Variants in HS3ST5 observed in about 807,000 individuals in gnomAD.
HS3ST5 encodes the protein heparan sulfate-glucosamine 3-sulfotransferase 5.
HS3ST5 carries 10 observed loss-of-function variants against 25.4 expected under a neutral mutation model. That is an observed-to-expected ratio of 0.39 (90% CI 0.24 to 0.67). HS3ST5 has a LOEUF of 0.67. Among genes scored for constraint, HS3ST5 ranks in the 30% least tolerant of loss-of-function variants. HS3ST5 has a pLI of 0.44. For synonymous variants in HS3ST5, 170 were observed against 162.4 expected (o/e 1.05, Z -0.36); for missense variants, 324 against 420.7 (o/e 0.77, Z 2.01).
Position 114,185,200 on chromosome 6 carries a change from C to T in HS3ST5, c.-144-16738G>A, listed in dbSNP as rs573509446. Among the ~76,000 whole-genome samples the T allele has an allele frequency of 9.5e-4, 145 of 152,268 alleles. 1 individual carries two copies. Among genetic ancestry groups the T allele is most frequent in the African/African-American group, 3.4e-3 (142 of 41,558 alleles). Reference sequence around the variant, plus strand: ...GGGGAAAAGGGTAGAATGTCATGGACTGAATGTGCCCCTCCCCCAAACTCA... The same window carrying T: ...GGGGAAAAGGGTAGAATGTCATGGATTGAATGTGCCCCTCCCCCAAACTCA... On this transcript the variant is annotated intron_variant, in intron 2 of 4. Coordinates refer to ENST00000312719, the MANE Select transcript of HS3ST5 (RefSeq NM_153612.4).
intron 3 of HS3ST5, among the ~76,000 whole-genome samples, chr6:114,164,253 A>G (rs1277594273): frequency 6.6e-6 from 1 of 152,128 alleles, no homozygotes; most frequent in Admixed American, 6.5e-5. Context: ...AAAATACCTT[A>G]CAGTTTACAA....
intron 3 of HS3ST5, among the ~76,000 whole-genome samples, chr6:114,164,136 A>C (rs1215368404): frequency 1.5e-5 from 1 of 67,686 alleles, no homozygotes; most frequent in Non-Finnish European, 3.0e-5. Flanking sequence ...AAAGTAAAAT[A>C]TGTAGGATTT....
At chr6:114,062,936 G>A in intron 3 of HS3ST5, 59 bp from the exon 4 acceptor site, 1 of 952,476 alleles carries the variant, frequency 1.0e-6, no homozygotes, top group Non-Finnish European at 1.7e-6. Context: ...TTGTCACAGA[G>A]CTAAGCAGAG....
chr6:114,342,746 C>T lies in HS3ST5; in HGVS notation c.-890G>A, dbSNP rs1282653174. The T allele has an allele frequency of 1.3e-5, 2 of 152,630 alleles. No homozygotes were observed. The highest frequency in any genetic ancestry group is 3.9e-4 in the East Asian group (2 of 5,176). The allele number at this position is 152,630 out of a possible 1,614,324, so 9.5% of individuals were successfully genotyped here. A position where few individuals can be genotyped will look rare whatever the true frequency, so the allele number is the denominator to read the frequency against. On this transcript the variant is annotated 5_prime_UTR_variant, in exon 1 of 5. Transcript: ENST00000312719. ...CCTCGGTGACAGCTCCTCGGGCAGC[C>T]CGCTCCCTCCCAATCCGCCCAAAAG...
At chr6:114,267,364 T>A (rs947766988) in intron 1 of HS3ST5, among the ~76,000 whole-genome samples, 1 of 152,026 alleles carries the variant, frequency 6.6e-6, no homozygotes, top group African/African-American at 2.4e-5. Context: ...GAAGCACCAA[T>A]AAAAGGGCTA....
At chr6:114,338,162 C>G (rs1331682174) in intron 1 of HS3ST5, among the ~76,000 whole-genome samples, 1 of 151,912 alleles carries the variant, frequency 6.6e-6, no homozygotes, top group Non-Finnish European at 1.5e-5. Flanking sequence ...GTATCATTCT[C>G]AAAGTGATGC....
intron 3 of HS3ST5, among the ~76,000 whole-genome samples, chr6:114,149,821 A>G (rs1778365231): frequency 6.6e-6 from 1 of 152,230 alleles, no homozygotes; most frequent in Non-Finnish European, 1.5e-5. Flanking sequence ...CATGGAAAAA[A>G]GTGTAATACA....
At chr6:114,088,090 AT>A (rs1189710345) in intron 3 of HS3ST5, among the ~76,000 whole-genome samples, 1 of 152,218 alleles carries the variant, frequency 6.6e-6, no homozygotes, top group African/African-American at 2.4e-5. Context: ...GGTAAAGAAA[AT>A]TTATCACTGA....
intron 3 of HS3ST5, among the ~76,000 whole-genome samples, chr6:114,065,288 T>C (rs7752154): frequency 0.56 from 85,479 of 152,170 alleles, 25,035 homozygotes; most frequent in African/African-American, 0.72. Context: ...CAGTTACCTA[T>C]GTAATGTGAT....
chr6:114,149,190 A>ATC (rs1394038742), intron 3 of HS3ST5, among the ~76,000 whole-genome samples: 1 of 152,250 alleles, frequency 6.6e-6, no homozygotes, highest in African/African-American at 2.4e-5. Flanking sequence ...TCAAGGATCT[A>ATC]GAACCAGAAA....
chr6:114,220,833 G>C (rs1781996500), intron 2 of HS3ST5: 1 of 151,954 alleles, frequency 6.6e-6, no homozygotes, highest in Non-Finnish European at 1.5e-5. Context: ...TTGTGCTGAA[G>C]AGGTTTTTAA....
intron 1 of HS3ST5, among the ~76,000 whole-genome samples, chr6:114,276,948 T>C (rs1582780621): frequency 6.6e-6 from 1 of 152,122 alleles, no homozygotes; most frequent in East Asian, 1.9e-4. Context: ...GATATTATGA[T>C]CATCTGGCTG....
At chr6:114,103,702 T>C (rs976703810) in intron 3 of HS3ST5, among the ~76,000 whole-genome samples, 27 of 146,998 alleles carry the variant, frequency 1.8e-4, no homozygotes, top group African/African-American at 6.1e-4. Context: ...TTTTTCTTCT[T>C]CTTTTTTTTT....
Position 114,184,749 on chromosome 6 carries a change from G to A in HS3ST5, c.-144-16287C>T, listed in dbSNP as rs116889779. On this transcript the variant is annotated intron_variant, in intron 2 of 4. Transcript: ENST00000312719. ...ACCATGGGGACAGGATTGCTACCCC[G>A]GTGGGGCCGAAAGGTGGGACTGCTG... Among the ~76,000 whole-genome samples, 288 of 152,348 alleles carry A rather than the reference G, an allele frequency of 1.9e-3. 2 individuals are homozygous for A. The East Asian group carries it at 0.028, about 15-fold the overall frequency.
chr6:114,335,289 C>A (rs1408695867), intron 1 of HS3ST5, among the ~76,000 whole-genome samples: 2 of 149,048 alleles, frequency 1.3e-5, no homozygotes, highest in Non-Finnish European at 1.5e-5. Flanking sequence ...ATATCAACTA[C>A]CAGAATTAAA....
chr6:114,243,495 GT>G (rs991296449), intron 1 of HS3ST5, among the ~76,000 whole-genome samples: 7 of 152,178 alleles, frequency 4.6e-5, no homozygotes, highest in Admixed American at 2.0e-4. Context: ...TATCATGGGG[GT>G]TTTTAAAGTA....
rs1778326790 is a variant in HS3ST5, at chr6:114,149,190, A to T, written c.-33+19161T>A. On this transcript the variant is annotated intron_variant, in intron 3 of 4. Coordinates refer to ENST00000312719, the MANE Select transcript of HS3ST5 (RefSeq NM_153612.4). ...CAGTGTGGCGATTCCTCAAGGATCT[A>T]GAACCAGAAATACCATTTGACTCAG... 2.6e-5 allele frequency among the ~76,000 whole-genome samples: 4 copies of T among 152,368 alleles called. No homozygotes were observed. In the South Asian group the frequency reaches 8.3e-4, roughly 32 times the overall value.
intron 1 of HS3ST5, among the ~76,000 whole-genome samples, chr6:114,278,354 C>T (rs1773957200): frequency 6.6e-6 from 1 of 151,896 alleles, no homozygotes; most frequent in Admixed American, 6.6e-5. Flanking sequence ...CTTAAGGTTA[C>T]ATTTTCTGCA....
At chr6:114,241,837 C>T (rs1344507150) in intron 1 of HS3ST5, among the ~76,000 whole-genome samples, 1 of 152,098 alleles carries the variant, frequency 6.6e-6, no homozygotes, top group Non-Finnish European at 1.5e-5. Context: ...GATGTAAACA[C>T]AAAAATCTTC....
Sources: gnomAD v4.1 joint callset for allele counts (sites outside exome capture counted in the v4.1 genomes callset) on GRCh38, gnomAD v4.1.1 for gene constraint, MANE v1.5 for transcripts, NCBI Gene and HGNC (gene_info 2026-07-23, HGNC 2026-07-21) for gene names.